The following CDC42BPA variants were observed in gnomAD, a reference collection of about 807,000 sequenced individuals.
CDC42BPA encodes the protein serine/threonine-protein kinase MRCK alpha.
In CDC42BPA, 80 loss-of-function variants were observed where a neutral mutation model predicts 223.5. The observed-to-expected ratio is 0.36, with a 90% CI of 0.30 to 0.43. The LOEUF is 0.43. Among genes scored for constraint, CDC42BPA ranks in the 20% least tolerant of loss-of-function variants. The pLI is 1.00. For missense variants in CDC42BPA, 1,743 were observed against 2,099.9 expected, an observed-to-expected ratio of 0.83 and a Z score of 3.32; for synonymous variants, 694 against 718.6, an observed-to-expected ratio of 0.97 and a Z score of 0.55.
At chr1:227,223,423 C>G (rs935540781) in intron 2 of CDC42BPA, among the ~76,000 whole-genome samples, 2 of 152,148 alleles carry the variant, frequency 1.3e-5, no homozygotes, top group Non-Finnish European at 2.9e-5. Context: ...ATACAGATAA[C>G]AGGGGAACCA....
intron 12 of CDC42BPA, 87 bp from the exon 13 acceptor site, chr1:227,113,000 G>C (rs2149392867): frequency 1.6e-6 from 2 of 1,276,368 alleles, no homozygotes; most frequent in South Asian, 1.4e-5. Flanking sequence ...ATTAAGTCAA[G>C]AAGAGCCAAA....
chr1:227,021,100 C>A (rs1244612248), intron 32 of CDC42BPA, among the ~76,000 whole-genome samples: 2 of 152,118 alleles, frequency 1.3e-5, no homozygotes, highest in African/African-American at 4.8e-5. Context: ...ATTACAATAA[C>A]CTCAAATTTG....
At position 227,180,133 on chromosome 1, in the gene CDC42BPA, G is replaced by A. The variant is rs115866977; in HGVS notation, c.599+13653C>T. On this transcript the variant is annotated intron_variant, in intron 5 of 36. Transcript: ENST00000366766. ...AGGCACGAGACTCGCTTGAACGCAGGAGGCAGATGTTGCAGTGAACCAAGA... is the reference window on the plus strand; with the variant it reads ...AGGCACGAGACTCGCTTGAACGCAGAAGGCAGATGTTGCAGTGAACCAAGA... 9.9e-3 allele frequency among the ~76,000 whole-genome samples: 1,502 copies of A among 152,236 alleles called. 27 individuals are homozygous for A. The highest frequency in any genetic ancestry group is 0.034 in the African/African-American group (1,431 of 41,534).
At chr1:227,044,817 A>G (rs1672091316) in intron 23 of CDC42BPA, among the ~76,000 whole-genome samples, 1 of 152,256 alleles carries the variant, frequency 6.6e-6, no homozygotes, top group Non-Finnish European at 1.5e-5. Context: ...TAAGAAGTAC[A>G]CTATGGTTAT....
intron 2 of CDC42BPA, among the ~76,000 whole-genome samples, chr1:227,230,778 T>C (rs943649700): frequency 7.3e-5 from 11 of 151,370 alleles, no homozygotes; most frequent in Admixed American, 3.9e-4. Flanking sequence ...TCTCTTCCTG[T>C]CCAATCCTGC....
At chr1:227,212,823 C>T (rs578021580) in intron 3 of CDC42BPA, among the ~76,000 whole-genome samples, 2 of 152,236 alleles carry the variant, frequency 1.3e-5, no homozygotes, top group South Asian at 2.1e-4. Context: ...AGTTACGTCA[C>T]GTTAGAAATC....
At chr1:227,251,556 A>C (rs1463032638) in intron 2 of CDC42BPA, among the ~76,000 whole-genome samples, 1 of 152,182 alleles carries the variant, frequency 6.6e-6, no homozygotes, top group Non-Finnish European at 1.5e-5. Flanking sequence ...TTTAATGAAA[A>C]TACTAATAAA....
rs1513605 is a variant in CDC42BPA at position 227,271,700 on chromosome 1, A to C, written c.179-17545T>G. Among the ~76,000 whole-genome samples the C allele has an allele frequency of 2.6e-4, 40 of 152,296 alleles. No individual in the cohort carries two copies. The South Asian group carries it at 7.9e-3, about 30-fold the overall frequency. On this transcript the variant is annotated intron_variant, in intron 1 of 36. Transcript: ENST00000366766. The stretch of plus-strand genomic sequence containing the variant: ...TTACGAGCTTAGTAAATTCACCCAA[A>C]AAAAGTCTTCAGTATTCATTTAACT...
In CDC42BPA at chr1:227,045,336, A is replaced by AT. The variant is rs1233098825; in HGVS notation, c.3093+2590dup. Among the ~76,000 whole-genome samples the AT allele has an allele frequency of 2.0e-5, 3 of 152,330 alleles. No individual in the cohort carries two copies. The East Asian group carries it at 5.8e-4, about 29-fold the overall frequency. On this transcript the variant is annotated intron_variant, in intron 23 of 36. Coordinates refer to ENST00000366766, the MANE Select transcript of CDC42BPA (RefSeq NM_001394014.1). ...TCATTTTGCCTTGGGTAAGTATGTCATTTCAATTCCTGAATATGTGGATGT... is the reference window on the plus strand; with the variant it reads ...TCATTTTGCCTTGGGTAAGTATGTCATTTTCAATTCCTGAATATGTGGATGT...
chr1:227,001,951 A>G (rs1045817216), intron 35 of CDC42BPA, among the ~76,000 whole-genome samples: 4 of 152,142 alleles, frequency 2.6e-5, no homozygotes, highest in African/African-American at 9.6e-5. Flanking sequence ...CGCAAAACCA[A>G]AACAAAAAAC....
At chr1:227,162,864 A>ATGTGTGTGTGTGTGTGTGTG (rs1261183207) in intron 5 of CDC42BPA, among the ~76,000 whole-genome samples, 3 of 26,154 alleles carry the variant, frequency 1.1e-4, no homozygotes, top group Middle Eastern at 0.021. Context: ...TAAAATAAAT[A>ATGTGTGTGTGTGTGTGTGTG]TATATGTGTG....
chr1:227,141,321 C>A (rs1659625790), intron 9 of CDC42BPA, among the ~76,000 whole-genome samples: 1 of 152,034 alleles, frequency 6.6e-6, no homozygotes, highest in African/African-American at 2.4e-5. Context: ...GAAGAGGAAT[C>A]CAGATTTTAT....
intron 5 of CDC42BPA, among the ~76,000 whole-genome samples, chr1:227,166,234 G>T (rs1665011177): frequency 6.6e-6 from 1 of 152,108 alleles, no homozygotes; most frequent in South Asian, 2.1e-4. Flanking sequence ...TCACTATTTG[G>T]GCAGACGGAA....
chr1:227,132,831 T>G (rs1316416838), intron 10 of CDC42BPA, among the ~76,000 whole-genome samples: 3 of 144,618 alleles, frequency 2.1e-5, no homozygotes, highest in African/African-American at 7.8e-5. Context: ...CAACCCCGTC[T>G]GGGAGGTGAG....
At position 227,084,996 on chromosome 1, in the gene CDC42BPA, T is replaced by C. The variant is rs150551923; in HGVS notation, c.2356-3979A>G. 6.0e-3 allele frequency among the ~76,000 whole-genome samples: 919 copies of C among 152,292 alleles called. 14 individuals carry two copies. Among genetic ancestry groups the C allele is most frequent in the African/African-American group, 0.021 (876 of 41,560 alleles). On this transcript the variant is annotated intron_variant, in intron 16 of 36. Transcript: ENST00000366766. ...AGCTGTGACATCAGCTTCTCCTGCC[T>C]TCAGACCTGAAACGAGGCAGAAGCT...
At chr1:227,309,219 AAAAT>A (rs956971923) in intron 1 of CDC42BPA, among the ~76,000 whole-genome samples, 12 of 151,640 alleles carry the variant, frequency 7.9e-5, no homozygotes, top group African/African-American at 1.2e-4. Context: ...AAAAAAAAAA[AAAAT>A]AAGCAAGAAA....
intron 2 of CDC42BPA, among the ~76,000 whole-genome samples, chr1:227,233,393 T>C (rs929914378): frequency 2.6e-5 from 4 of 152,070 alleles, no homozygotes; most frequent in African/African-American, 9.7e-5. Flanking sequence ...AAAGCTGTAA[T>C]AGTGTTAACC....
At chr1:227,045,226 T>C (rs1207587373) in intron 23 of CDC42BPA, among the ~76,000 whole-genome samples, 1 of 152,166 alleles carries the variant, frequency 6.6e-6, no homozygotes, top group Non-Finnish European at 1.5e-5. Flanking sequence ...AAAATGCAAT[T>C]TTTTCCCCCC....
intron 34 of CDC42BPA, among the ~76,000 whole-genome samples, chr1:227,015,071 T>C (rs1002904635): frequency 6.6e-6 from 1 of 151,994 alleles, no homozygotes. Context: ...CCCTCCCACC[T>C]TAGCCTCCCG....
Sources: allele counts gnomAD v4.1 joint callset (sites outside exome capture counted in the v4.1 genomes callset), GRCh38; gene constraint gnomAD v4.1.1; transcripts MANE v1.5; gene names NCBI Gene and HGNC (gene_info 2026-07-23, HGNC 2026-07-21).